LUC7L2: variants seen among roughly 807,000 people sequenced by gnomAD.
The protein encoded by LUC7L2 is putative RNA-binding protein Luc7-like 2.
A neutral mutation model predicts 52.8 loss-of-function variants in LUC7L2; 25 were observed. That is an observed-to-expected ratio of 0.47 (90% CI 0.34 to 0.66). The LOEUF (loss-of-function observed/expected upper bound fraction) is 0.66. Ranked by LOEUF, LUC7L2 falls within the 30% of genes least tolerant of loss-of-function variation. The pLI, the probability that LUC7L2 is intolerant of heterozygous loss-of-function variation, is 0.01. For synonymous variants in LUC7L2, 144 were observed against 160.9 expected (o/e 0.89, Z 0.80); for missense variants, 328 against 497.8 (o/e 0.66, Z 3.25).
At chr7:139,421,852 GTAT>G (rs1168465229) in intron 9 of LUC7L2, among the ~76,000 whole-genome samples, 1 of 152,122 alleles carries the variant, frequency 6.6e-6, no homozygotes, top group Non-Finnish European at 1.5e-5. Context: ...TGTTATCTAT[GTAT>G]TATTTTTTAT....
intron 1 of LUC7L2, among the ~76,000 whole-genome samples, chr7:139,373,792 T>G (rs186221960): frequency 3.9e-5 from 6 of 152,336 alleles, no homozygotes; most frequent in Non-Finnish European, 8.8e-5. Flanking sequence ...AATACTGATT[T>G]TATTCTAAGG....
intron 2 of LUC7L2, among the ~76,000 whole-genome samples, chr7:139,397,669 A>C (rs1314172203): frequency 1.3e-5 from 2 of 152,170 alleles, no homozygotes; most frequent in African/African-American, 4.8e-5. Context: ...GCATCTTGCC[A>C]ATTTTTTCTC....
intron 1 of LUC7L2, among the ~76,000 whole-genome samples, chr7:139,369,464 C>T (rs1800331482): frequency 6.6e-6 from 1 of 152,158 alleles, no homozygotes; most frequent in East Asian, 1.9e-4. Flanking sequence ...TGCCAGCTAC[C>T]AAGACCCTTT....
intron 4 of LUC7L2, among the ~76,000 whole-genome samples, chr7:139,404,604 A>G (rs1048879734): frequency 4.6e-5 from 7 of 152,232 alleles, no homozygotes; most frequent in Non-Finnish European, 8.8e-5. Context: ...TAATGATTAT[A>G]TGTATGTTTT....
chr7:139,408,299 C>A (rs1795206622), intron 6 of LUC7L2, among the ~76,000 whole-genome samples: 1 of 152,070 alleles, frequency 6.6e-6, no homozygotes, highest in South Asian at 2.1e-4. Flanking sequence ...AGTTAAAACT[C>A]CAGTGGTTCC....
At chr7:139,347,587 CAA>C (rs890685958) in intron 1 of LUC7L2, among the ~76,000 whole-genome samples, 1 of 106,210 alleles carries the variant, frequency 9.4e-6, no homozygotes. Context: ...AACTCCGTCT[CAA>C]AAAAAAAAAA....
At chr7:139,374,376 C>T (rs1456427805) in intron 1 of LUC7L2, 1 of 1,523,810 alleles carries the variant, frequency 6.6e-7, no homozygotes, top group Non-Finnish European at 8.9e-7. Context: ...AATGAACAAT[C>T]TGGCCCCTTG....
At chr7:139,365,546 TG>T (rs1424634677) in intron 1 of LUC7L2, among the ~76,000 whole-genome samples, 1 of 152,010 alleles carries the variant, frequency 6.6e-6, no homozygotes, top group African/African-American at 2.4e-5. Context: ...CAGTAACAGG[TG>T]GTTCATACAA....
chr7:139,352,408 TC>T (rs1189446309), intron 1 of LUC7L2, among the ~76,000 whole-genome samples: 2 of 152,056 alleles, frequency 1.3e-5, no homozygotes, highest in African/African-American at 4.8e-5. Flanking sequence ...GGTAGAAGGA[TC>T]CCTTGAGCCT....
chr7:139,364,283 G>A (rs1042524383), intron 1 of LUC7L2, among the ~76,000 whole-genome samples: 1 of 152,000 alleles, frequency 6.6e-6, no homozygotes, highest in Admixed American at 6.6e-5. Context: ...GTTATAGAAG[G>A]TAGTTCTGAG....
chr7:139,359,791 C>T (rs992089454), upstream of LUC7L2: 2 of 400,784 alleles, frequency 5.0e-6, no homozygotes, highest in African/African-American at 2.1e-5. Flanking sequence ...CGCCCAGAGC[C>T]GTTAGGGTGG....
intron 7 of LUC7L2, among the ~76,000 whole-genome samples, chr7:139,410,801 T>C (rs1034827643): frequency 1.4e-4 from 21 of 152,194 alleles, no homozygotes; most frequent in African/African-American, 5.1e-4. Flanking sequence ...TATTATATAC[T>C]CAGTATATTT....
At chr7:139,422,107 A>T (rs1795934387) in intron 9 of LUC7L2, 56 bp from the exon 10 acceptor site, 2 of 1,545,486 alleles carry the variant, frequency 1.3e-6, no homozygotes. Flanking sequence ...CCTATTCTTT[A>T]ATTTGGGTTT....
At chr7:139,369,282 T>G (rs1800321885) in intron 1 of LUC7L2, among the ~76,000 whole-genome samples, 1 of 152,250 alleles carries the variant, frequency 6.6e-6, no homozygotes, top group South Asian at 2.1e-4. Context: ...TTTAGCAGGC[T>G]GTAACTTTTT....
chr7:139,409,458 G>A (rs1284587313), intron 6 of LUC7L2, 105 bp from the exon 7 acceptor site: 1 of 1,280,856 alleles, frequency 7.8e-7, no homozygotes, highest in African/African-American at 1.5e-5. Flanking sequence ...AACAGATTTT[G>A]ACAGCAGTTG....
chr7:139,359,592 G>T (rs937883106), upstream of LUC7L2: 23 of 387,074 alleles, frequency 5.9e-5, no homozygotes, highest in African/African-American at 2.5e-4. Flanking sequence ...AACCTCTAGC[G>T]CATTTTGCTA....
chr7:139,359,690 G>A (rs984415826), upstream of LUC7L2: 9 of 397,872 alleles, frequency 2.3e-5, no homozygotes, highest in Non-Finnish European at 3.5e-5. Context: ...AAGGTTTGGC[G>A]CCTCGGGGCG....
chr7:139,381,443 A>G (rs1801016198), intron 2 of LUC7L2, among the ~76,000 whole-genome samples: 1 of 149,858 alleles, frequency 6.7e-6, no homozygotes, highest in East Asian at 2.0e-4. Context: ...ACAGGGTCAC[A>G]CTCTTGGCCA....
chr7:139,407,978 C>G (rs1424534814), intron 6 of LUC7L2, among the ~76,000 whole-genome samples: 2 of 152,078 alleles, frequency 1.3e-5, no homozygotes, highest in Non-Finnish European at 2.9e-5. Flanking sequence ...TGGATATAAT[C>G]TATTTACCTT....
Sources: gnomAD v4.1 joint callset for allele counts (sites outside exome capture counted in the v4.1 genomes callset) on GRCh38, gnomAD v4.1.1 for gene constraint, MANE v1.5 for transcripts, NCBI Gene and HGNC (gene_info 2026-07-23, HGNC 2026-07-21) for gene names.